Variants in TMTC1 observed in about 807,000 individuals in gnomAD.
TMTC1 encodes the protein protein O-mannosyl-transferase TMTC1.
A neutral mutation model predicts 104.8 loss-of-function variants in TMTC1; 73 were observed. The ratio of observed to expected loss-of-function variants is 0.70; its 90% CI spans 0.58 to 0.85. The LOEUF (loss-of-function observed/expected upper bound fraction) is 0.85, where lower values mean the gene tolerates loss of function less well. Ranked by LOEUF, TMTC1 falls within the 40% of genes least tolerant of loss-of-function variation. The probability of loss-of-function intolerance (pLI) is 0.00; values close to 1 mark genes in which losing one functional copy is unlikely to be tolerated. For missense variants in TMTC1, 1,035 were observed against 1,096.1 expected (o/e 0.94, Z 0.79); for synonymous variants, 434 against 428.7 (o/e 1.01, Z -0.15).
At chr12:29,592,288 C>G (rs1946302071) in intron 7 of TMTC1, among the ~76,000 whole-genome samples, 1 of 152,126 alleles carries the variant, frequency 6.6e-6, no homozygotes, top group Non-Finnish European at 1.5e-5. Flanking sequence ...CGTTTTTTAT[C>G]TCAAACATTC....
rs1313947911 is a variant in TMTC1 at position 29,600,007 on chromosome 12, TA to T, written c.1250+4170del. ...GTGTGTATATACATATATATATATA[TA>T]TTTTTTTTTTTTTTTCCCTCAAAAG... On this transcript the variant is annotated intron_variant, in intron 7 of 17. Coordinates refer to ENST00000539277, the MANE Select transcript of TMTC1 (RefSeq NM_001193451.2). 6.3e-5 allele frequency among the ~76,000 whole-genome samples: 6 copies of T among 94,660 alleles called. 1 individual carries two copies. The South Asian group carries it at 1.8e-3, about 29-fold the overall frequency. 62.1% of individuals were successfully genotyped at this position (94,660 alleles called of 152,430 possible).
chr12:29,754,001 G>C (rs1347321595), intron 4 of TMTC1, among the ~76,000 whole-genome samples: 1 of 152,076 alleles, frequency 6.6e-6, no homozygotes, highest in Admixed American at 6.6e-5. Flanking sequence ...CGAGTAGCTG[G>C]GATTACAGGC....
Position 29,530,213 on chromosome 12 carries a change from C to T in TMTC1, c.1785+5996G>A, listed in dbSNP as rs150971828. Among the ~76,000 whole-genome samples the T allele has an allele frequency of 3.5e-4, 53 of 152,294 alleles. No individual in the cohort carries two copies. In the East Asian group the frequency reaches 8.5e-3, roughly 24 times the overall value. ...GGAGACCCCAGGGAAACCTTAAAAA[C>T]TCAATTCCCAGCTATGACCAGAGAG... On this transcript the variant is annotated intron_variant, in intron 11 of 17. Coordinates refer to ENST00000539277, the MANE Select transcript of TMTC1 (RefSeq NM_001193451.2).
chr12:29,633,855 C>A (rs552614467), intron 5 of TMTC1, among the ~76,000 whole-genome samples: 4 of 152,142 alleles, frequency 2.6e-5, no homozygotes, highest in Non-Finnish European at 5.9e-5. Context: ...GACACAGGGA[C>A]AATGGATGGA....
intron 5 of TMTC1, among the ~76,000 whole-genome samples, chr12:29,663,994 C>T (rs1001994290): frequency 5.3e-5 from 8 of 151,434 alleles, no homozygotes; most frequent in East Asian, 2.0e-4. Context: ...GAGACCATCC[C>T]GGCTAAAACG....
intron 7 of TMTC1, among the ~76,000 whole-genome samples, chr12:29,599,941 T>C (rs942346231): frequency 8.7e-5 from 13 of 148,698 alleles, no homozygotes; most frequent in Non-Finnish European, 3.0e-5. Context: ...TATATATATG[T>C]GTGTGTATAT....
At chr12:29,569,713 C>T (rs974782973) in intron 9 of TMTC1, among the ~76,000 whole-genome samples, 38 of 152,142 alleles carry the variant, frequency 2.5e-4, no homozygotes, top group Non-Finnish European at 7.4e-5. Flanking sequence ...TACCCACATC[C>T]GTTGAAAATT....
intron 9 of TMTC1, among the ~76,000 whole-genome samples, chr12:29,558,310 C>A (rs968114880): frequency 2.6e-5 from 4 of 152,136 alleles, no homozygotes; most frequent in Non-Finnish European, 1.5e-5. Flanking sequence ...ACTTGTCAAG[C>A]CCCTTGACCA....
At chr12:29,543,015 G>A (rs1335121897) in intron 10 of TMTC1, among the ~76,000 whole-genome samples, 1 of 152,022 alleles carries the variant, frequency 6.6e-6, no homozygotes, top group Admixed American at 6.5e-5. Context: ...TGTTTCCCCC[G>A]GGAGCTTCCA....
intron 8 of TMTC1, among the ~76,000 whole-genome samples, chr12:29,573,626 G>A (rs1945741593): frequency 6.6e-6 from 1 of 152,170 alleles, no homozygotes; most frequent in South Asian, 2.1e-4. Flanking sequence ...AGGCAGTGAA[G>A]GTGAAGCTTA....
intron 11 of TMTC1, chr12:29,535,643 A>T (rs1249092895): frequency 6.6e-6 from 1 of 152,542 alleles, no homozygotes; most frequent in Non-Finnish European, 1.5e-5. Context: ...AGAGAAGACA[A>T]CTTATATCTG....
intron 5 of TMTC1, among the ~76,000 whole-genome samples, chr12:29,675,910 C>T (rs1438910191): frequency 1.3e-5 from 2 of 152,152 alleles, no homozygotes; most frequent in African/African-American, 4.8e-5. Flanking sequence ...GTACAGAGTC[C>T]CCCTCTGTGT....
chr12:29,560,890 A>G (rs1240403767), intron 9 of TMTC1, among the ~76,000 whole-genome samples: 1 of 152,210 alleles, frequency 6.6e-6, no homozygotes, highest in African/African-American at 2.4e-5. Context: ...AGCAAAAAAT[A>G]GAAGGCGGGA....
rs1408933079 is a variant in TMTC1, at chr12:29,504,669, T to C, written c.*2177A>G. On this transcript the variant is annotated 3_prime_UTR_variant, in exon 18 of 18. Coordinates refer to ENST00000539277, the MANE Select transcript of TMTC1 (RefSeq NM_001193451.2). ...GAGGCAGAGAGTTTCCTGAAGGTCA[T>C]GTGATCCTTTACCCTCAGAAACTTT... 6.6e-6 allele frequency: 1 copy of C among 152,194 alleles called. No homozygotes were observed. The highest frequency in any genetic ancestry group is 1.5e-5 in the Non-Finnish European group (1 of 68,034). 9.4% of individuals were successfully genotyped at this position (152,194 alleles called of 1,614,324 possible).
chr12:29,679,058 G>A (rs1940825927), intron 5 of TMTC1, among the ~76,000 whole-genome samples: 1 of 152,070 alleles, frequency 6.6e-6, no homozygotes, highest in Admixed American at 6.6e-5. Flanking sequence ...TCTAATATAG[G>A]TGAATAGCTA....
rs4034168 is a variant in TMTC1 at position 29,522,554 on chromosome 12, ATG to A, written c.1786-1836_1786-1835del. On this transcript the variant is annotated intron_variant, in intron 11 of 17. Coordinates refer to ENST00000539277, the MANE Select transcript of TMTC1 (RefSeq NM_001193451.2). ...GCTCTCGTCCATTGAAGGACTGACA[ATG>A]TGTGTGTGTGTGTGTGTGTGTGTGT... Among the ~76,000 whole-genome samples, 437 of 148,640 alleles carry A rather than the reference ATG, an allele frequency of 2.9e-3. 1 individual carries two copies. Among genetic ancestry groups the A allele is most frequent in the Admixed American group, 7.7e-3 (113 of 14,696 alleles).
chr12:29,636,324 A>C (rs754800613), intron 5 of TMTC1, among the ~76,000 whole-genome samples: 6 of 152,158 alleles, frequency 3.9e-5, no homozygotes, highest in Non-Finnish European at 8.8e-5. Context: ...TTCTTATCTT[A>C]TTTCCACCTA....
chr12:29,575,733 C>T (rs2136309946), intron 8 of TMTC1, among the ~76,000 whole-genome samples: 1 of 152,302 alleles, frequency 6.6e-6, no homozygotes, highest in African/African-American at 2.4e-5. Context: ...CTTTGAGATA[C>T]TGATTTCATT....
intron 7 of TMTC1, among the ~76,000 whole-genome samples, chr12:29,598,509 C>G (rs1168264595): frequency 6.6e-6 from 1 of 152,174 alleles, no homozygotes; most frequent in African/African-American, 2.4e-5. Flanking sequence ...TATTCCAATC[C>G]ATGAACACAG....
Sources: allele counts gnomAD v4.1 joint callset (sites outside exome capture counted in the v4.1 genomes callset), GRCh38; gene constraint gnomAD v4.1.1; transcripts MANE v1.5; gene names NCBI Gene and HGNC (gene_info 2026-07-23, HGNC 2026-07-21).